The following MAP2K5 variants were observed in gnomAD, a reference collection of about 807,000 sequenced individuals.
MAP2K5 encodes mitogen-activated protein kinase kinase 5.
A neutral mutation model predicts 83.1 loss-of-function variants in MAP2K5; 49 were observed. The observed-to-expected ratio is 0.59, with a 90% CI of 0.47 to 0.75. The LOEUF is 0.75. Ranked by LOEUF, MAP2K5 falls within the 30% of genes least tolerant of loss-of-function variation. The pLI, the probability that MAP2K5 is intolerant of heterozygous loss-of-function variation, is 0.00. For missense variants in MAP2K5, 457 were observed against 557.5 expected (o/e 0.82, Z 1.82); for synonymous variants, 202 against 191.8 (o/e 1.05, Z -0.44).
chr15:67,595,277 C>CATTAT (rs1446246482), intron 7 of MAP2K5, among the ~76,000 whole-genome samples: 1 of 152,142 alleles, frequency 6.6e-6, no homozygotes, highest in African/African-American at 2.4e-5. Flanking sequence ...ATTGATTCAG[C>CATTAT]ATTGATATAG....
At chr15:67,800,699 C>G (rs1268442949) in intron 21 of MAP2K5, among the ~76,000 whole-genome samples, 1 of 152,152 alleles carries the variant, frequency 6.6e-6, no homozygotes, top group African/African-American at 2.4e-5. Context: ...GAGCCATGGA[C>G]CACACTGTAT....
Position 67,777,272 on chromosome 15 carries a change from G to A in MAP2K5, c.1242+4520G>A, listed in dbSNP as rs562850537. On this transcript the variant is annotated intron_variant, in intron 21 of 21. Coordinates refer to ENST00000178640, the MANE Select transcript of MAP2K5 (RefSeq NM_145160.3). This position sits in a 1 kb window ranked among gnomAD's most constrained non-coding sequence, Gnocchi z 6.0. ...GTGGGCCTTAACTTGAACGGGGAAG[G>A]TGTGGGCTGTGGGCACCCACACAGT... Among the ~76,000 whole-genome samples, 53 of 152,298 alleles carry A rather than the reference G, an allele frequency of 3.5e-4. No homozygotes were observed. Among genetic ancestry groups the A allele is most frequent in the African/African-American group, 1.2e-3 (50 of 41,562 alleles).
rs952134106 is a variant in MAP2K5 at position 67,652,350 on chromosome 15, G to A, written c.736+5881G>A. Among the ~76,000 whole-genome samples the A allele has an allele frequency of 2.0e-5, 3 of 152,094 alleles. No homozygotes were observed. The highest frequency in any genetic ancestry group is 6.6e-5 in the Admixed American group (1 of 15,262). ...GACTGGGTAATTTATAAAGAAAAGT[G>A]GTTTATTTGGCTTATTATTTTGCAG... is the stretch of plus-strand genomic sequence containing the variant. On this transcript the variant is annotated intron_variant, in intron 11 of 21. Coordinates refer to ENST00000178640, the MANE Select transcript of MAP2K5 (RefSeq NM_145160.3). This position sits in a 1 kb window ranked among gnomAD's most constrained non-coding sequence, Gnocchi z 4.2.
chr15:67,567,556 G>T (rs2084866422), intron 3 of MAP2K5, among the ~76,000 whole-genome samples: 1 of 151,448 alleles, frequency 6.6e-6, no homozygotes, highest in Non-Finnish European at 1.5e-5. Context: ...AGTAGAGATG[G>T]GGTTTCACCT....
rs1453551565 is a variant in MAP2K5 at position 67,778,295 on chromosome 15, A to G, written c.1242+5543A>G. Among the ~76,000 whole-genome samples, 1 of 152,228 alleles carries G rather than the reference A, an allele frequency of 6.6e-6. No individual in the cohort carries two copies. The highest frequency in any genetic ancestry group is 1.5e-5 in the Non-Finnish European group (1 of 68,036). ...TTGTTCTCTCAATTAATCAAGGTAT[A>G]TGATAAATTGCACATCTGCGTGGTC... On this transcript the variant is annotated intron_variant, in intron 21 of 21. Transcript: ENST00000178640. This position sits in a 1 kb window ranked among gnomAD's most constrained non-coding sequence, Gnocchi z 5.0.
chr15:67,559,000 T>C (rs987484761), intron 2 of MAP2K5, among the ~76,000 whole-genome samples: 3 of 152,318 alleles, frequency 2.0e-5, no homozygotes, highest in Non-Finnish European at 2.9e-5. Context: ...AGAAGCTAAA[T>C]TAAAACTCAT....
At position 67,782,219 on chromosome 15, in the gene MAP2K5, G is replaced by A. The variant is rs566533457; in HGVS notation, c.1242+9467G>A. ...CTCTGCGGTTTCAATAATTTTAAGA[G>A]CCCCCAAAACCTGTTGAGGATTAGA... On this transcript the variant is annotated intron_variant, in intron 21 of 21. Coordinates refer to ENST00000178640, the MANE Select transcript of MAP2K5 (RefSeq NM_145160.3). This position sits in a 1 kb window ranked among gnomAD's most constrained non-coding sequence, Gnocchi z 4.9. Among the ~76,000 whole-genome samples, 22 of 152,316 alleles carry A rather than the reference G, an allele frequency of 1.4e-4. No individual in the cohort carries two copies. The highest frequency in any genetic ancestry group is 5.1e-4 in the African/African-American group (21 of 41,580).
chr15:67,773,155 A>G (rs1294552176), intron 21 of MAP2K5, among the ~76,000 whole-genome samples: 1 of 152,172 alleles, frequency 6.6e-6, no homozygotes, highest in Non-Finnish European at 1.5e-5. Context: ...TGTAGAATGA[A>G]ATTAAACTGG....
intron 8 of MAP2K5, among the ~76,000 whole-genome samples, chr15:67,616,574 C>G (rs1274759966): frequency 6.6e-6 from 1 of 152,140 alleles, no homozygotes; most frequent in African/African-American, 2.4e-5. Flanking sequence ...AAACAAAGAA[C>G]TGATGTTATT....
intron 17 of MAP2K5, among the ~76,000 whole-genome samples, chr15:67,739,760 C>T (rs1041957200): frequency 6.6e-6 from 1 of 151,934 alleles, no homozygotes; most frequent in Non-Finnish European, 1.5e-5. Flanking sequence ...GGATTACAGG[C>T]ATGAGCCACT....
At chr15:67,788,771 C>T (rs997691462) in intron 21 of MAP2K5, among the ~76,000 whole-genome samples, 3 of 152,040 alleles carry the variant, frequency 2.0e-5, no homozygotes, top group East Asian at 1.9e-4. Flanking sequence ...CCCAGGAGTT[C>T]GAGACCCGCC....
At chr15:67,583,706 C>T (rs2085231975) in intron 4 of MAP2K5, among the ~76,000 whole-genome samples, 1 of 151,822 alleles carries the variant, frequency 6.6e-6, no homozygotes, top group South Asian at 2.1e-4. Flanking sequence ...AATCTTTAGA[C>T]TGAACAAGTA....
chr15:67,577,425 G>A lies in MAP2K5; in HGVS notation c.253-3329G>A, dbSNP rs2140988696. Among the ~76,000 whole-genome samples, 1 of 152,270 alleles carries A rather than the reference G, an allele frequency of 6.6e-6. No individual in the cohort carries two copies. Among genetic ancestry groups the A allele is most frequent in the South Asian group, 2.1e-4 (1 of 4,820 alleles). On this transcript the variant is annotated intron_variant, in intron 3 of 21. Coordinates refer to ENST00000178640, the MANE Select transcript of MAP2K5 (RefSeq NM_145160.3). The surrounding 1 kb of genome is among the most constrained non-coding windows in gnomAD (Gnocchi z 4.1). ...GAGCTTTGTGTTAGGGCTAATAAAT[G>A]CCAGGATAAGATTATAGACCTGAAG...
At chr15:67,580,691 C>T in intron 3 of MAP2K5, 63 bp from the exon 4 acceptor site, 1 of 1,018,918 alleles carries the variant, frequency 9.8e-7, no homozygotes, top group Non-Finnish European at 1.6e-6. Flanking sequence ...TTAAACAACC[C>T]ATAAGTGTCT....
At chr15:67,701,535 G>A (rs1039378943) in intron 15 of MAP2K5, among the ~76,000 whole-genome samples, 2 of 152,156 alleles carry the variant, frequency 1.3e-5, no homozygotes, top group East Asian at 3.8e-4. Context: ...TAGGAGTAGA[G>A]AAAGGTTTCA....
chr15:67,732,932 G>A (rs1046627524), intron 17 of MAP2K5, among the ~76,000 whole-genome samples: 1 of 152,112 alleles, frequency 6.6e-6, no homozygotes, highest in Non-Finnish European at 1.5e-5. Flanking sequence ...GAATCTCCAC[G>A]ACTTGTAAGC....
In MAP2K5 at chr15:67,807,034, G is replaced by A; in HGVS notation, c.*284G>A. 1 of 1,270,570 alleles carries A rather than the reference G, an allele frequency of 7.9e-7. No homozygotes were observed. The allele number at this position is 1,270,570 out of a possible 1,614,324, so 78.7% of individuals were successfully genotyped here. ...GCTCCCAGGGTCCCTGCCCACTTCT[G>A]TTTTCCTAATGTTTTTCTCTATAAA... On this transcript the variant is annotated 3_prime_UTR_variant, in exon 22 of 22. Coordinates refer to ENST00000178640, the MANE Select transcript of MAP2K5 (RefSeq NM_145160.3). This position sits in a 1 kb window ranked among gnomAD's most constrained non-coding sequence, Gnocchi z 5.1.
chr15:67,561,359 C>T lies in MAP2K5; in HGVS notation c.185-1924C>T, dbSNP rs2084733015. Among the ~76,000 whole-genome samples the T allele has an allele frequency of 6.6e-6, 1 of 152,192 alleles. No individual in the cohort carries two copies. The highest frequency in any genetic ancestry group is 2.4e-5 in the African/African-American group (1 of 41,456). ...ATATAGACAGACTCCTTTCTTCTCT[C>T]TCTACAGCTGGAATGGCATTTCTCC... On this transcript the variant is annotated intron_variant, in intron 2 of 21. Coordinates refer to ENST00000178640, the MANE Select transcript of MAP2K5 (RefSeq NM_145160.3). The surrounding 1 kb of genome is among the most constrained non-coding windows in gnomAD (Gnocchi z 4.2).
At chr15:67,684,706 T>G (rs2087907115) in intron 13 of MAP2K5, among the ~76,000 whole-genome samples, 1 of 152,188 alleles carries the variant, frequency 6.6e-6, no homozygotes, top group South Asian at 2.1e-4. Context: ...TTATAAAAAC[T>G]ATATATGTCC....
Sources: allele counts gnomAD v4.1 joint callset (sites outside exome capture counted in the v4.1 genomes callset), GRCh38; gene constraint gnomAD v4.1.1; non-coding constraint Gnocchi (gnomAD v3.1); transcripts MANE v1.5; gene names NCBI Gene and HGNC (gene_info 2026-07-23, HGNC 2026-07-21).